Variants in CLYBL observed in about 807,000 individuals in gnomAD.
CLYBL encodes the protein citramalyl-CoA lyase, mitochondrial.
In CLYBL, 31 loss-of-function variants were observed where a neutral mutation model predicts 38.9. The ratio of observed to expected loss-of-function variants is 0.80; its 90% CI spans 0.60 to 1.08. CLYBL has a LOEUF of 1.08. Among genes scored for constraint, CLYBL ranks in the 50% least tolerant of loss-of-function variants. CLYBL has a pLI of 0.00. For synonymous variants in CLYBL, 171 were observed against 158.6 expected (o/e 1.08, Z -0.59); for missense variants, 434 against 411.6 (o/e 1.05, Z -0.47).
At chr13:99,803,600 G>C (rs2050175441) in intron 2 of CLYBL, among the ~76,000 whole-genome samples, 1 of 152,216 alleles carries the variant, frequency 6.6e-6, no homozygotes, top group Non-Finnish European at 1.5e-5. Flanking sequence ...AATGGAGAAA[G>C]TAATACTTCT....
chr13:99,833,068 T>A (rs1452936829), intron 2 of CLYBL, among the ~76,000 whole-genome samples: 1 of 117,162 alleles, frequency 8.5e-6, no homozygotes, highest in Non-Finnish European at 1.7e-5. Context: ...TGAGATGGAG[T>A]TTCGCTCTTT....
At chr13:99,861,661 AG>A (rs1015812762) in intron 3 of CLYBL, among the ~76,000 whole-genome samples, 5 of 152,178 alleles carry the variant, frequency 3.3e-5, no homozygotes, top group Admixed American at 2.0e-4. Flanking sequence ...TGCCCTTTGA[AG>A]GGGGGGCAGT....
chr13:99,885,946 C>T (rs1341328712), intron 7 of CLYBL, among the ~76,000 whole-genome samples: 1 of 152,112 alleles, frequency 6.6e-6, no homozygotes, highest in African/African-American at 2.4e-5. Context: ...GCCAGGATCT[C>T]GAGGAGAAAT....
At chr13:99,654,829 C>T (rs939324409) in intron 1 of CLYBL, among the ~76,000 whole-genome samples, 1 of 152,088 alleles carries the variant, frequency 6.6e-6, no homozygotes, top group Non-Finnish European at 1.5e-5. Flanking sequence ...CACGGTGAAA[C>T]CCTGTCTCTA....
intron 1 of CLYBL, among the ~76,000 whole-genome samples, chr13:99,747,654 C>G (rs532446273): frequency 5.6e-4 from 86 of 152,272 alleles, no homozygotes; most frequent in Non-Finnish European, 5.0e-4. Context: ...GTTCCTGGGA[C>G]TTCGCTGACA....
chr13:99,802,976 C>T (rs2050164489), intron 2 of CLYBL, among the ~76,000 whole-genome samples: 1 of 152,180 alleles, frequency 6.6e-6, no homozygotes, highest in Non-Finnish European at 1.5e-5. Context: ...CCAACACTTT[C>T]CCAGCATGTG....
At chr13:99,706,316 G>T (rs1432362346) in intron 1 of CLYBL, among the ~76,000 whole-genome samples, 1 of 152,156 alleles carries the variant, frequency 6.6e-6, no homozygotes, top group Non-Finnish European at 1.5e-5. Context: ...ACACTGTATA[G>T]CCAAAAGAGC....
intron 1 of CLYBL, among the ~76,000 whole-genome samples, chr13:99,641,649 A>C (rs1372312537): frequency 2.2e-5 from 1 of 46,046 alleles, no homozygotes; most frequent in Non-Finnish European, 4.8e-5. Context: ...CTAAAAATAC[A>C]AAAAAAAAAA....
At chr13:99,838,878 A>T (rs1193980844) in intron 2 of CLYBL, among the ~76,000 whole-genome samples, 1 of 152,160 alleles carries the variant, frequency 6.6e-6, no homozygotes, top group Non-Finnish European at 1.5e-5. Context: ...TGACCTCGTG[A>T]TCCACCCGCC....
At chr13:99,850,501 C>T (rs1888248022) in intron 2 of CLYBL, among the ~76,000 whole-genome samples, 1 of 152,294 alleles carries the variant, frequency 6.6e-6, no homozygotes, top group South Asian at 2.1e-4. Flanking sequence ...AAAACAAACC[C>T]TGTATCAATA....
rs569598471 is a variant in CLYBL at position 99,734,238 on chromosome 13, G to A, written c.63-38586G>A. Among the ~76,000 whole-genome samples, 111 of 152,118 alleles carry A rather than the reference G, an allele frequency of 7.3e-4. 2 individuals are homozygous for A. Among genetic ancestry groups the A allele is most frequent in the African/African-American group, 2.6e-3 (107 of 41,498 alleles). Reference sequence around the variant, plus strand: ...TTCCCCTCCCCTGTGATCACACAAAGAGCAGAGAGCCCTCAAAAGCCTGGG... The same window carrying A: ...TTCCCCTCCCCTGTGATCACACAAAAAGCAGAGAGCCCTCAAAAGCCTGGG... On this transcript the variant is annotated intron_variant, in intron 1 of 8. Coordinates refer to ENST00000339105, the MANE Select transcript of CLYBL (RefSeq NM_206808.5).
intron 7 of CLYBL, among the ~76,000 whole-genome samples, chr13:99,886,812 A>C (rs2052362100): frequency 6.6e-6 from 1 of 152,168 alleles, no homozygotes; most frequent in Non-Finnish European, 1.5e-5. Flanking sequence ...TTCTTGTTGC[A>C]TCAGGTAGCA....
intron 2 of CLYBL, among the ~76,000 whole-genome samples, chr13:99,812,877 C>G: frequency 6.6e-6 from 1 of 152,180 alleles, no homozygotes; most frequent in East Asian, 1.9e-4. Context: ...CATGCCAAAG[C>G]TGTGATATCA....
intron 2 of CLYBL, among the ~76,000 whole-genome samples, chr13:99,777,035 G>A (rs906433539): frequency 6.6e-6 from 1 of 151,794 alleles, no homozygotes; most frequent in East Asian, 1.9e-4. Context: ...GTGTACCACC[G>A]TGGCTGGCTA....
intron 1 of CLYBL, among the ~76,000 whole-genome samples, chr13:99,717,650 G>A (rs2048338655): frequency 6.6e-6 from 1 of 151,694 alleles, no homozygotes; most frequent in Admixed American, 6.6e-5. Flanking sequence ...TGTAGTGATG[G>A]GGTTTTGCCA....
At chr13:99,784,695 C>A (rs2049746023) in intron 2 of CLYBL, among the ~76,000 whole-genome samples, 1 of 151,984 alleles carries the variant, frequency 6.6e-6, no homozygotes, top group Non-Finnish European at 1.5e-5. Context: ...CTCAGGTGAT[C>A]CGCCCGCCTT....
At chr13:99,795,972 C>A (rs1383371703) in intron 2 of CLYBL, among the ~76,000 whole-genome samples, 3 of 152,192 alleles carry the variant, frequency 2.0e-5, no homozygotes, top group Non-Finnish European at 4.4e-5. Flanking sequence ...TCAAGAGTTT[C>A]TCTTTCCTAG....
At chr13:99,848,318 T>G (rs556485136) in intron 2 of CLYBL, among the ~76,000 whole-genome samples, 3 of 152,312 alleles carry the variant, frequency 2.0e-5, no homozygotes, top group East Asian at 3.9e-4. Flanking sequence ...ATTCCCAGAC[T>G]TCAACAGGGA....
At chr13:99,683,882 T>G (rs1384235996) in intron 1 of CLYBL, among the ~76,000 whole-genome samples, 1 of 150,372 alleles carries the variant, frequency 6.7e-6, no homozygotes, top group Non-Finnish European at 1.5e-5. Context: ...ATTTTTTTTT[T>G]TTTTGAGACA....
Sources: gnomAD v4.1 joint callset for allele counts (sites outside exome capture counted in the v4.1 genomes callset) on GRCh38, gnomAD v4.1.1 for gene constraint, MANE v1.5 for transcripts, NCBI Gene and HGNC (gene_info 2026-07-23, HGNC 2026-07-21) for gene names.